Variants in SCAPER observed in about 807,000 individuals in gnomAD.
SCAPER encodes S-phase cyclin A associated protein in the ER.
SCAPER carries 98 observed loss-of-function variants against 182.2 expected under a neutral mutation model. The observed-to-expected ratio is 0.54, with a 90% CI of 0.46 to 0.64. SCAPER has a LOEUF of 0.64. Among genes scored for constraint, SCAPER ranks in the 30% least tolerant of loss-of-function variants. SCAPER has a pLI of 0.00. For missense variants in SCAPER, 1,432 were observed against 1,690.0 expected, an observed-to-expected ratio of 0.85 and a Z score of 2.68; for synonymous variants, 605 against 564.6, an observed-to-expected ratio of 1.07 and a Z score of -1.01.
At chr15:76,901,942 A>G (rs1158092068) in intron 1 of SCAPER, among the ~76,000 whole-genome samples, 2 of 152,158 alleles carry the variant, frequency 1.3e-5, no homozygotes, top group African/African-American at 4.8e-5. Flanking sequence ...GATGGTCTCG[A>G]TCTCCTGACC....
intron 24 of SCAPER, among the ~76,000 whole-genome samples, chr15:76,497,535 T>C (rs1427009547): frequency 6.6e-6 from 1 of 151,978 alleles, no homozygotes; most frequent in African/African-American, 2.4e-5. Flanking sequence ...AGAAGGTGAT[T>C]ATGGCAAGCC....
At chr15:76,604,167 T>G (rs1484313224) in intron 22 of SCAPER, among the ~76,000 whole-genome samples, 1 of 120,976 alleles carries the variant, frequency 8.3e-6, no homozygotes, top group Non-Finnish European at 2.0e-5. Flanking sequence ...GGTCTAACCT[T>G]TAAGTCTTTA....
At chr15:76,899,461 A>C (rs556698106) in intron 1 of SCAPER, among the ~76,000 whole-genome samples, 4 of 152,156 alleles carry the variant, frequency 2.6e-5, no homozygotes, top group African/African-American at 9.7e-5. Context: ...CGCTCACTCA[A>C]TGCTCAATGT....
intron 23 of SCAPER, among the ~76,000 whole-genome samples, chr15:76,516,292 T>C (rs1459414674): frequency 1.3e-5 from 2 of 152,034 alleles, no homozygotes; most frequent in Non-Finnish European, 2.9e-5. Flanking sequence ...ACACATGCCA[T>C]GGTAGTTTGC....
intron 23 of SCAPER, among the ~76,000 whole-genome samples, chr15:76,568,757 A>G (rs2047224073): frequency 6.6e-6 from 1 of 152,222 alleles, no homozygotes; most frequent in Non-Finnish European, 1.5e-5. Flanking sequence ...TCCAAAGAAC[A>G]AAGTGTTGGA....
At chr15:76,508,974 C>T (rs1438160327) in intron 23 of SCAPER, among the ~76,000 whole-genome samples, 1 of 152,068 alleles carries the variant, frequency 6.6e-6, no homozygotes, top group Non-Finnish European at 1.5e-5. Context: ...ACTGGCTATC[C>T]TACCAGTAGT....
At chr15:76,820,116 T>C (rs918954291) in intron 5 of SCAPER, among the ~76,000 whole-genome samples, 25 of 152,028 alleles carry the variant, frequency 1.6e-4, no homozygotes, top group Non-Finnish European at 2.8e-4. Flanking sequence ...TGTGGAGAAA[T>C]AGGAACACTT....
At chr15:76,652,371 CATATATATATATATAT>C (rs56164668) in intron 21 of SCAPER, among the ~76,000 whole-genome samples, 2 of 8,066 alleles carry the variant, frequency 2.5e-4, no homozygotes, top group South Asian at 7.7e-3. Context: ...CACACACACA[CATATATATATATATAT>C]ATATATATAT....
At chr15:76,671,725 G>A (rs1036203015) in intron 20 of SCAPER, among the ~76,000 whole-genome samples, 5 of 151,852 alleles carry the variant, frequency 3.3e-5, no homozygotes, top group African/African-American at 7.2e-5. Context: ...AGTCGAGATC[G>A]CACCACTGCA....
chr15:76,859,945 A>G (rs1317253012), intron 3 of SCAPER, among the ~76,000 whole-genome samples: 1 of 152,120 alleles, frequency 6.6e-6, no homozygotes, highest in African/African-American at 2.4e-5. Flanking sequence ...CGAACTCCTG[A>G]GCTCAGGCAA....
At chr15:76,843,176 A>C (rs2069653985) in intron 4 of SCAPER, among the ~76,000 whole-genome samples, 1 of 152,242 alleles carries the variant, frequency 6.6e-6, no homozygotes, top group African/African-American at 2.4e-5. Context: ...TATATCATTC[A>C]AATATTTTAC....
chr15:76,438,021 G>A (rs1402787848), intron 25 of SCAPER, among the ~76,000 whole-genome samples: 2 of 152,086 alleles, frequency 1.3e-5, no homozygotes, highest in Admixed American at 1.3e-4. Context: ...AGTGGCTCAC[G>A]CCTGTAATCC....
chr15:76,784,490 C>T (rs1274502638), intron 8 of SCAPER, among the ~76,000 whole-genome samples: 1 of 152,192 alleles, frequency 6.6e-6, no homozygotes, highest in Admixed American at 6.5e-5. Context: ...AATGCCATCC[C>T]CATCAAGCTA....
At chr15:76,768,074 T>C (rs1053268502) in intron 10 of SCAPER, among the ~76,000 whole-genome samples, 3 of 152,138 alleles carry the variant, frequency 2.0e-5, no homozygotes, top group South Asian at 2.1e-4. Flanking sequence ...CAAAAACCTA[T>C]AGAAATGCAA....
At chr15:76,851,303 G>C (rs989043883) in intron 4 of SCAPER, among the ~76,000 whole-genome samples, 9 of 152,094 alleles carry the variant, frequency 5.9e-5, no homozygotes, top group African/African-American at 1.9e-4. Flanking sequence ...AACCTTGATA[G>C]AGAGGCCAGC....
chr15:76,655,154 A>G (rs964389048), intron 21 of SCAPER, among the ~76,000 whole-genome samples: 5 of 152,232 alleles, frequency 3.3e-5, no homozygotes, highest in Admixed American at 6.5e-5. Flanking sequence ...AAGGAATACA[A>G]CAAAATAATA....
intron 20 of SCAPER, among the ~76,000 whole-genome samples, chr15:76,700,255 G>A (rs1019090488): frequency 2.0e-5 from 3 of 152,198 alleles, no homozygotes; most frequent in African/African-American, 7.2e-5. Flanking sequence ...TGAGACTTGA[G>A]GGTTGAGCAT....
chr15:76,625,995 T>C (rs1218052114), intron 21 of SCAPER, among the ~76,000 whole-genome samples: 1 of 152,122 alleles, frequency 6.6e-6, no homozygotes, highest in Non-Finnish European at 1.5e-5. Flanking sequence ...CTGATGAGCT[T>C]TAAAAAAATC....
intron 21 of SCAPER, among the ~76,000 whole-genome samples, chr15:76,658,120 A>G (rs2055825632): frequency 6.6e-6 from 1 of 152,156 alleles, no homozygotes; most frequent in Admixed American, 6.5e-5. Flanking sequence ...GAGGAAGTCA[A>G]ACTATCTCTA....
Sources: allele counts gnomAD v4.1 joint callset (sites outside exome capture counted in the v4.1 genomes callset), GRCh38; gene constraint gnomAD v4.1.1; transcripts MANE v1.5; gene names NCBI Gene and HGNC (gene_info 2026-07-23, HGNC 2026-07-21).